Variants in GRIN2A observed in about 807,000 individuals in gnomAD.
GRIN2A encodes glutamate ionotropic receptor NMDA type subunit 2A.
Under a neutral mutation model 113.4 loss-of-function variants are expected in GRIN2A, and 22 were observed. The observed-to-expected ratio is 0.19, with a 90% CI of 0.14 to 0.28. The LOEUF (loss-of-function observed/expected upper bound fraction) is 0.28, where lower values mean the gene tolerates loss of function less well. GRIN2A is among the 10% of genes least tolerant of loss of function. GRIN2A has a pLI of 1.00. For missense variants in GRIN2A, 1,502 were observed against 1,887.0 expected (o/e 0.80, Z 3.78); for synonymous variants, 827 against 738.4 (o/e 1.12, Z -1.94).
chr16:10,160,362 A>T (rs557157294), intron 2 of GRIN2A, among the ~76,000 whole-genome samples: 1 of 152,342 alleles, frequency 6.6e-6, no homozygotes, highest in East Asian at 1.9e-4. Context: ...GACCAAGGGC[A>T]TGTGAACTGT....
chr16:9,861,079 C>A (rs1033002406), intron 4 of GRIN2A, among the ~76,000 whole-genome samples: 1 of 152,160 alleles, frequency 6.6e-6, no homozygotes, highest in Non-Finnish European at 1.5e-5. Context: ...ACAACAGAAG[C>A]AGAGTTCAGG....
In GRIN2A at chr16:9,849,938, C is replaced by G. The variant is rs756147459; in HGVS notation, c.1146G>C (p.Thr382=). ...WEKVGKWENH[T]LSLRHAVWPR... ...GCCACACGGCGTGCCTCAGGCTCAG[C>G]GTATGGTTCTCCCACTTGCCCACCT... Residue 382 remains threonine, a synonymous_variant, in exon 5 of 13, where the codon ACG becomes ACC. Transcript: ENST00000330684. 2 of 1,613,938 alleles carry G rather than the reference C, an allele frequency of 1.2e-6. No homozygotes were observed. The highest frequency in any genetic ancestry group is 1.7e-6 in the Non-Finnish European group (2 of 1,179,890).
chr16:10,143,829 G>C (rs1279878066), intron 2 of GRIN2A, among the ~76,000 whole-genome samples: 2 of 152,094 alleles, frequency 1.3e-5, no homozygotes, highest in African/African-American at 4.8e-5. Flanking sequence ...AGCCAGGCAT[G>C]GTGGCACACA....
At chr16:10,017,591 T>C (rs1418527981) in intron 2 of GRIN2A, among the ~76,000 whole-genome samples, 1 of 151,706 alleles carries the variant, frequency 6.6e-6, no homozygotes, top group East Asian at 1.9e-4. Flanking sequence ...TGTGAGTTGT[T>C]GTGGGGGTTG....
At chr16:9,778,587 G>A (rs1214725128) in intron 11 of GRIN2A, among the ~76,000 whole-genome samples, 1 of 152,222 alleles carries the variant, frequency 6.6e-6, no homozygotes, top group Non-Finnish European at 1.5e-5. Context: ...AGAGCCACTG[G>A]CTAAACTGGG....
At chr16:9,907,166 G>C (rs145173335) in intron 3 of GRIN2A, among the ~76,000 whole-genome samples, 61 of 152,174 alleles carry the variant, frequency 4.0e-4, no homozygotes, top group Non-Finnish European at 7.2e-4. Context: ...GTGTTTTACA[G>C]TTTGGGGCAA....
chr16:9,960,133 A>C (rs2045407525), intron 2 of GRIN2A, among the ~76,000 whole-genome samples: 1 of 152,220 alleles, frequency 6.6e-6, no homozygotes, highest in Non-Finnish European at 1.5e-5. Flanking sequence ...TAAAAAAGGA[A>C]AAAAATGAGC....
At chr16:10,135,247 C>T (rs1198134504) in intron 2 of GRIN2A, among the ~76,000 whole-genome samples, 1 of 152,188 alleles carries the variant, frequency 6.6e-6, no homozygotes, top group East Asian at 1.9e-4. Context: ...ATGTCCTTTC[C>T]TCCAGTTTTC....
At chr16:9,907,185 A>C (rs1433394789) in intron 3 of GRIN2A, among the ~76,000 whole-genome samples, 3 of 152,204 alleles carry the variant, frequency 2.0e-5, no homozygotes, top group Non-Finnish European at 4.4e-5. Context: ...AATTATGAAA[A>C]GAGATTATAA....
intron 10 of GRIN2A, among the ~76,000 whole-genome samples, chr16:9,802,192 C>T (rs1284229472): frequency 6.6e-6 from 1 of 152,074 alleles, no homozygotes; most frequent in African/African-American, 2.4e-5. Context: ...GGGTATACAC[C>T]CAAAGGAATG....
chr16:9,776,342 G>C (rs1362320), intron 11 of GRIN2A, among the ~76,000 whole-genome samples: 32,195 of 147,726 alleles, frequency 0.22, 4,009 homozygotes, highest in East Asian at 0.53. Context: ...TGGGAGGTGA[G>C]TTTATTCAGG....
chr16:10,081,757 T>A (rs545335278), intron 2 of GRIN2A, among the ~76,000 whole-genome samples: 5 of 152,320 alleles, frequency 3.3e-5, no homozygotes, highest in African/African-American at 1.2e-4. Flanking sequence ...GCCTGTTTCA[T>A]AAATGGCACA....
At chr16:9,883,895 C>A (rs1303858041) in intron 4 of GRIN2A, among the ~76,000 whole-genome samples, 1 of 152,196 alleles carries the variant, frequency 6.6e-6, no homozygotes, top group Non-Finnish European at 1.5e-5. Context: ...CAGGAAGACA[C>A]AAGGAAGGGT....
intron 2 of GRIN2A, among the ~76,000 whole-genome samples, chr16:10,120,685 C>T (rs749230549): frequency 4.6e-5 from 7 of 152,192 alleles, no homozygotes; most frequent in Non-Finnish European, 7.3e-5. Flanking sequence ...GATCTTCTCT[C>T]TGGAAGACAC....
At chr16:9,876,576 C>T (rs1017470360) in intron 4 of GRIN2A, among the ~76,000 whole-genome samples, 2 of 152,150 alleles carry the variant, frequency 1.3e-5, no homozygotes, top group Non-Finnish European at 2.9e-5. Context: ...GTAGCCCCCA[C>T]AGCCTGGTGT....
intron 2 of GRIN2A, among the ~76,000 whole-genome samples, chr16:10,153,153 T>A (rs1198263414): frequency 6.6e-6 from 1 of 152,194 alleles, no homozygotes; most frequent in East Asian, 1.9e-4. Context: ...TACAAGTTGG[T>A]ACTATTCTGG....
chr16:10,092,339 T>C (rs1415362606), intron 2 of GRIN2A, among the ~76,000 whole-genome samples: 1 of 152,222 alleles, frequency 6.6e-6, no homozygotes, highest in Non-Finnish European at 1.5e-5. Flanking sequence ...GAATTATAAA[T>C]TAACATTTCA....
intron 2 of GRIN2A, among the ~76,000 whole-genome samples, chr16:10,178,258 G>C (rs961936752): frequency 3.9e-5 from 6 of 152,140 alleles, no homozygotes; most frequent in Non-Finnish European, 8.8e-5. Context: ...ATTCATCATA[G>C]CTCTCCATGC....
At chr16:9,874,717 T>G (rs1427646960) in intron 4 of GRIN2A, among the ~76,000 whole-genome samples, 3 of 152,142 alleles carry the variant, frequency 2.0e-5, no homozygotes, top group African/African-American at 7.2e-5. Flanking sequence ...AGCAATCATC[T>G]TAGAGCCTCA....
Sources: allele counts gnomAD v4.1 joint callset (sites outside exome capture counted in the v4.1 genomes callset), GRCh38; gene constraint gnomAD v4.1.1; transcripts MANE v1.5; gene names NCBI Gene and HGNC (gene_info 2026-07-23, HGNC 2026-07-21).